Variants in SPMIP7 observed in about 807,000 individuals in gnomAD.
The protein encoded by SPMIP7 is sperm microtubule inner protein 7, also known as protein SPMIP7.
the SPMIP7 span, chr7:50,141,355 GGT>G: frequency 6.4e-7 from 1 of 1,551,466 alleles, no homozygotes; most frequent in Non-Finnish European, 8.7e-7. Context: ...GCCAAGCAGC[GGT>G]ACTCTAAGCC....
chr7:50,156,938 T>TTCACTTCCTTCCTGCCC, the SPMIP7 span, among the ~76,000 whole-genome samples: 1 of 152,158 alleles, frequency 6.6e-6, no homozygotes, highest in African/African-American at 2.4e-5. Context: ...GCCTCCTGCC[T>TTCACTTCCTTCCTGCCC]TCACTTCCTT....
the SPMIP7 span, among the ~76,000 whole-genome samples, chr7:50,156,114 C>T: frequency 2.2e-4 from 34 of 152,244 alleles, no homozygotes; most frequent in East Asian, 3.7e-3. Flanking sequence ...GGAATTTAAA[C>T]GTGTAAAAAC....
At chr7:50,151,557 G>A in the SPMIP7 span, 16 of 1,537,206 alleles carry the variant, frequency 1.0e-5, no homozygotes, top group Admixed American at 5.9e-5. Flanking sequence ...GAACTGCACC[G>A]GTAAGTATGA....
the SPMIP7 span, among the ~76,000 whole-genome samples, chr7:50,138,299 C>T: frequency 0.012 from 1,809 of 152,202 alleles, 29 homozygotes; most frequent in African/African-American, 0.041. Flanking sequence ...CCTGTGAGTG[C>T]TGAGTCACAA....
the SPMIP7 span, among the ~76,000 whole-genome samples, chr7:50,102,708 A>G: frequency 1.3e-5 from 2 of 152,150 alleles, no homozygotes; most frequent in African/African-American, 4.8e-5. Flanking sequence ...AATCATCATC[A>G]TTATCATCAT....
chr7:50,141,325 T>C, the SPMIP7 span: 2 of 1,552,226 alleles, frequency 1.3e-6, no homozygotes, highest in Non-Finnish European at 1.7e-6. Context: ...GACAACCCCT[T>C]GGGAGACATC....
At chr7:50,119,718 C>T in the SPMIP7 span, among the ~76,000 whole-genome samples, 1 of 152,134 alleles carries the variant, frequency 6.6e-6, no homozygotes, top group Non-Finnish European at 1.5e-5. Context: ...AGAATGGCTA[C>T]TAAATATAAA....
the SPMIP7 span, among the ~76,000 whole-genome samples, chr7:50,124,527 C>T: frequency 6.6e-6 from 1 of 152,110 alleles, no homozygotes; most frequent in Non-Finnish European, 1.5e-5. Context: ...ATTCATCCCA[C>T]ATATGTTCTC....
At chr7:50,095,910 A>C in the SPMIP7 span, 1 of 464,012 alleles carries the variant, frequency 2.2e-6, no homozygotes. Flanking sequence ...TTGGTGGAGG[A>C]AAATATTTGC....
the SPMIP7 span, among the ~76,000 whole-genome samples, chr7:50,123,877 A>G: frequency 2.6e-5 from 4 of 152,140 alleles, no homozygotes; most frequent in Non-Finnish European, 4.4e-5. Flanking sequence ...CTTAATCCAA[A>G]TATATCATAA....
chr7:50,127,062 G>A, the SPMIP7 span, among the ~76,000 whole-genome samples: 1 of 151,838 alleles, frequency 6.6e-6, no homozygotes, highest in Admixed American at 6.6e-5. Context: ...AACAGACACA[G>A]AGACCAATGG....
the SPMIP7 span, chr7:50,136,007 C>A: frequency 1.1e-6 from 1 of 900,418 alleles, no homozygotes; most frequent in Non-Finnish European, 1.8e-6. Context: ...ATAGCTATGA[C>A]GTAGAAAGGA....
the SPMIP7 span, among the ~76,000 whole-genome samples, chr7:50,146,589 T>C: frequency 1.3e-5 from 2 of 152,212 alleles, no homozygotes; most frequent in African/African-American, 2.4e-5. Flanking sequence ...TCAAAGTCAT[T>C]GCAAAATGAT....
the SPMIP7 span, among the ~76,000 whole-genome samples, chr7:50,146,206 A>G: frequency 6.6e-6 from 1 of 152,210 alleles, no homozygotes; most frequent in Non-Finnish European, 1.5e-5. Context: ...TGAGGCCAGA[A>G]ATGAAGGTGC....
the SPMIP7 span, among the ~76,000 whole-genome samples, chr7:50,124,489 C>A: frequency 1.3e-5 from 2 of 152,058 alleles, no homozygotes; most frequent in Non-Finnish European, 2.9e-5. Context: ...GGACATAAAA[C>A]AAGTCTTAAT....
At chr7:50,140,099 T>G in the SPMIP7 span, 2 of 1,343,652 alleles carry the variant, frequency 1.5e-6, no homozygotes, top group Non-Finnish European at 2.0e-6. Context: ...TTTATTAACT[T>G]AATATAAATA....
At chr7:50,114,887 G>A in the SPMIP7 span, among the ~76,000 whole-genome samples, 15 of 151,848 alleles carry the variant, frequency 9.9e-5, no homozygotes, top group African/African-American at 1.5e-4. Flanking sequence ...AAAATTAGCC[G>A]GATGTAGTGG....
At chr7:50,111,220 G>A in the SPMIP7 span, among the ~76,000 whole-genome samples, 1 of 151,590 alleles carries the variant, frequency 6.6e-6, no homozygotes, top group Non-Finnish European at 1.5e-5. Flanking sequence ...TCAGACTGTG[G>A]ATAAGAGTGG....
At chr7:50,135,180 C>T in the SPMIP7 span, among the ~76,000 whole-genome samples, 10,656 of 152,210 alleles carry the variant, frequency 0.07, 529 homozygotes, top group Non-Finnish European at 0.11. Context: ...TTATTGTAAC[C>T]CTCACTTTTG....
Sources: allele counts gnomAD v4.1 joint callset (sites outside exome capture counted in the v4.1 genomes callset), GRCh38; gene constraint gnomAD v4.1.1; transcripts MANE v1.5; gene names NCBI Gene and HGNC (gene_info 2026-07-23, HGNC 2026-07-21).